TTC28: variants seen among roughly 807,000 people sequenced by gnomAD.
The protein encoded by TTC28 is tetratricopeptide repeat protein 28.
TTC28 carries 61 observed loss-of-function variants against 198.0 expected under a neutral mutation model. The ratio of observed to expected loss-of-function variants is 0.31; its 90% CI spans 0.25 to 0.38. TTC28 has a LOEUF of 0.38. TTC28 is among the 10% of genes least tolerant of loss of function. The probability of loss-of-function intolerance (pLI) is 1.00; values close to 1 mark genes in which losing one functional copy is unlikely to be tolerated. For synonymous variants in TTC28, 1,171 were observed against 1,297.8 expected, an observed-to-expected ratio of 0.90 and a Z score of 2.10; for missense variants, 2,678 against 3,164.0, an observed-to-expected ratio of 0.85 and a Z score of 3.69.
intron 2 of TTC28, among the ~76,000 whole-genome samples, chr22:28,496,252 C>T (rs1478495221): frequency 4.6e-5 from 7 of 152,146 alleles, no homozygotes; most frequent in Middle Eastern, 3.4e-3. Context: ...TCTATAAATG[C>T]GTATCTCTGG....
intron 5 of TTC28, among the ~76,000 whole-genome samples, chr22:28,256,332 A>G (rs1295318773): frequency 6.6e-6 from 1 of 151,654 alleles, no homozygotes; most frequent in Non-Finnish European, 1.5e-5. Context: ...GAGACAGGAG[A>G]ATTGCTTGAA....
intron 2 of TTC28, among the ~76,000 whole-genome samples, chr22:28,342,657 G>A (rs1025681203): frequency 2.6e-5 from 4 of 152,028 alleles, no homozygotes; most frequent in Non-Finnish European, 5.9e-5. Context: ...ACATACATAC[G>A]CATATATGAA....
At chr22:28,351,292 C>T (rs574933091) in intron 2 of TTC28, among the ~76,000 whole-genome samples, 7 of 152,252 alleles carry the variant, frequency 4.6e-5, no homozygotes, top group Admixed American at 1.3e-4. Context: ...AGAGCTCATT[C>T]TCATAACAAA....
intron 5 of TTC28, among the ~76,000 whole-genome samples, chr22:28,273,251 C>G (rs1932206557): frequency 6.6e-6 from 1 of 152,042 alleles, no homozygotes; most frequent in Admixed American, 6.6e-5. Flanking sequence ...CAATGGTCAA[C>G]ATTCAGTAAG....
chr22:28,630,017 C>T (rs1202114968), intron 1 of TTC28, among the ~76,000 whole-genome samples, 187 bp from the exon 2 acceptor site: 2 of 152,020 alleles, frequency 1.3e-5, no homozygotes, highest in African/African-American at 4.8e-5. Flanking sequence ...TAATGCCCTC[C>T]CCTGGGGGTG....
intron 2 of TTC28, among the ~76,000 whole-genome samples, chr22:28,316,522 G>A (rs966882844): frequency 1.3e-5 from 2 of 151,982 alleles, no homozygotes; most frequent in East Asian, 1.9e-4. Context: ...TATTTGTATT[G>A]GTTCAATTTT....
intron 6 of TTC28, among the ~76,000 whole-genome samples, chr22:28,122,025 G>A (rs1401763850): frequency 1.3e-5 from 2 of 151,972 alleles, no homozygotes; most frequent in East Asian, 3.9e-4. Flanking sequence ...ACGCCACCAC[G>A]CCCAGCTAAT....
chr22:28,652,786 C>T (rs1038057982), intron 1 of TTC28, among the ~76,000 whole-genome samples: 21 of 152,180 alleles, frequency 1.4e-4, no homozygotes, highest in Non-Finnish European at 2.4e-4. Flanking sequence ...GTCCTTCAAT[C>T]AGATGAGACA....
At position 28,163,492 on chromosome 22, in the gene TTC28, G is replaced by C. The variant is rs1281683202; in HGVS notation, c.1041C>G (p.Ser347=). The change falls in exon 6 of 23, where the codon TCC becomes TCG. Residue 347 remains serine, a synonymous_variant. Coordinates refer to ENST00000397906, the MANE Select transcript of TTC28 (RefSeq NM_001145418.2). The part of the protein sequence containing the change: ...HKQCVLLAKQ[S]KDELSEAREL... ...CTCGGGCTTCAGAAAGTTCATCTTT[G>C]GATTGCTTGGCAAGAAGAACACACT... The C allele has an allele frequency of 1.3e-6, 2 of 1,551,750 alleles. No individual in the cohort carries two copies. Among genetic ancestry groups the C allele is most frequent in the Admixed American group, 3.9e-5 (2 of 51,008 alleles).
chr22:28,143,750 A>G lies in TTC28; in HGVS notation c.1441+19342T>C, dbSNP rs1005588606. Among the ~76,000 whole-genome samples the G allele has an allele frequency of 5.9e-5, 9 of 152,230 alleles. No homozygotes were observed. In the East Asian group the frequency reaches 1.5e-3, roughly 26 times the overall value. ...AACAAAATGCTTTTCAAGATCACAC[A>G]GAAGGTCTAAAATGTTAAAACAGGG... On this transcript the variant is annotated intron_variant, in intron 6 of 22. Transcript: ENST00000397906.
At chr22:28,532,877 T>C (rs2049171261) in intron 2 of TTC28, among the ~76,000 whole-genome samples, 1 of 152,166 alleles carries the variant, frequency 6.6e-6, no homozygotes, top group Non-Finnish European at 1.5e-5. Flanking sequence ...CTAAAAACTC[T>C]CAATAAACTA....
chr22:28,137,008 C>T (rs778969459), intron 6 of TTC28, among the ~76,000 whole-genome samples: 7 of 152,162 alleles, frequency 4.6e-5, no homozygotes, highest in South Asian at 2.1e-4. Flanking sequence ...TCCTCCAGGG[C>T]GCTGAATTAA....
chr22:28,097,835 G>T (rs1203405056), intron 10 of TTC28, among the ~76,000 whole-genome samples: 1 of 152,152 alleles, frequency 6.6e-6, no homozygotes, highest in Admixed American at 6.5e-5. Flanking sequence ...TGGAACAGCA[G>T]GAACAATTTC....
chr22:28,505,072 C>A (rs779096329), intron 2 of TTC28, among the ~76,000 whole-genome samples: 6 of 151,702 alleles, frequency 4.0e-5, no homozygotes, highest in Non-Finnish European at 5.9e-5. Flanking sequence ...CTGGCTAACA[C>A]GGTGAAACCC....
At chr22:28,125,506 C>T (rs1442456155) in intron 6 of TTC28, among the ~76,000 whole-genome samples, 1 of 152,212 alleles carries the variant, frequency 6.6e-6, no homozygotes, top group Non-Finnish European at 1.5e-5. Context: ...GCAACACCCC[C>T]AGCCATCAGC....
chr22:28,138,601 T>C (rs1419928907), intron 6 of TTC28, among the ~76,000 whole-genome samples: 2 of 152,188 alleles, frequency 1.3e-5, no homozygotes, highest in Non-Finnish European at 2.9e-5. Flanking sequence ...TGTTTAGAAT[T>C]GTAAGTATAC....
intron 2 of TTC28, among the ~76,000 whole-genome samples, chr22:28,335,131 T>C (rs1309829825): frequency 6.6e-6 from 1 of 152,196 alleles, no homozygotes; most frequent in East Asian, 1.9e-4. Context: ...CCATTGCTTG[T>C]TTTTGTCAGG....
At chr22:28,192,948 A>G (rs2147132774) in intron 5 of TTC28, among the ~76,000 whole-genome samples, 1 of 152,296 alleles carries the variant, frequency 6.6e-6, no homozygotes, top group Admixed American at 6.5e-5. Context: ...GAACGCCACA[A>G]AGATACGCCT....
intron 5 of TTC28, among the ~76,000 whole-genome samples, chr22:28,174,147 C>G (rs921348608): frequency 2.6e-5 from 4 of 152,158 alleles, no homozygotes; most frequent in African/African-American, 9.7e-5. Flanking sequence ...ATCAGGCACA[C>G]ACTGATTCAA....
Sources: allele counts gnomAD v4.1 joint callset (sites outside exome capture counted in the v4.1 genomes callset), GRCh38; gene constraint gnomAD v4.1.1; transcripts MANE v1.5; gene names NCBI Gene and HGNC (gene_info 2026-07-23, HGNC 2026-07-21).